LAMA2: variants seen among roughly 807,000 people sequenced by gnomAD.
LAMA2 encodes the protein laminin subunit alpha-2.
Under a neutral mutation model 364.8 loss-of-function variants are expected in LAMA2, and 269 were observed. That is an observed-to-expected ratio of 0.74 (90% CI 0.67 to 0.82). The LOEUF is 0.82. Ranked by LOEUF, LAMA2 falls within the 40% of genes least tolerant of loss-of-function variation. The pLI, the probability that LAMA2 is intolerant of heterozygous loss-of-function variation, is 0.00. For synonymous variants in LAMA2, 1,379 were observed against 1,370.6 expected (o/e 1.01, Z -0.14); for missense variants, 3,807 against 3,873.2 (o/e 0.98, Z 0.45).
intron 1 of LAMA2, among the ~76,000 whole-genome samples, chr6:128,954,380 G>T (rs73773591): frequency 0.01 from 1,534 of 151,982 alleles, 29 homozygotes; most frequent in African/African-American, 0.035. Flanking sequence ...ATTAGAATTT[G>T]TTTTTTATAC....
chr6:129,140,141 C>T lies in LAMA2; in HGVS notation c.640-3760C>T, dbSNP rs116394168. Among the ~76,000 whole-genome samples, 746 of 152,116 alleles carry T rather than the reference C, an allele frequency of 4.9e-3. 8 individuals carry two copies. The highest frequency in any genetic ancestry group is 0.017 in the African/African-American group (699 of 41,510). ...GCATAATAATGGAAAATCGTCTATA[C>T]GAGAAATCTAATTATTTTAGGCACA... On this transcript the variant is annotated intron_variant, in intron 4 of 64. Transcript: ENST00000421865.
Position 129,289,980 on chromosome 6 carries a change from A to T in LAMA2, c.2750-1634A>T, listed in dbSNP as rs939064916. On this transcript the variant is annotated intron_variant, in intron 19 of 64. Coordinates refer to ENST00000421865, the MANE Select transcript of LAMA2 (RefSeq NM_000426.4). ...AAGGAAAGAAAGTTCCTGGAAATAC[A>T]TTATTTTGGTTACCTATAGATTTGT... Among the ~76,000 whole-genome samples, 30 of 152,282 alleles carry T rather than the reference A, an allele frequency of 2.0e-4. 1 individual carries two copies. Among genetic ancestry groups the T allele is most frequent in the African/African-American group, 6.7e-4 (28 of 41,568 alleles).
At chr6:129,251,945 T>A (rs1023149499) in intron 13 of LAMA2, 139 bp from the exon 14 acceptor site, 150 of 636,904 alleles carry the variant, frequency 2.4e-4, no homozygotes, top group Non-Finnish European at 3.5e-4. Context: ...CAAAAAAAAA[T>A]AAATAAATAA....
At chr6:128,968,693 G>C (rs531290743) in intron 1 of LAMA2, among the ~76,000 whole-genome samples, 1 of 152,178 alleles carries the variant, frequency 6.6e-6, no homozygotes, top group African/African-American at 2.4e-5. Context: ...CATGTTTGAG[G>C]AACAGAAACA....
At position 128,944,650 on chromosome 6, in the gene LAMA2, A is replaced by G. The variant is rs531639239; in HGVS notation, c.112+61293A>G. Among the ~76,000 whole-genome samples the G allele has an allele frequency of 4.2e-3, 639 of 151,962 alleles. 6 individuals carry two copies. The highest frequency in any genetic ancestry group is 0.014 in the African/African-American group (595 of 41,488). On this transcript the variant is annotated intron_variant, in intron 1 of 64. Transcript: ENST00000421865. ...TCTGCTAAAAGTAGAAAAAAAAAAA[A>G]AAGAAGAAAGAAAGAAAAGACGATT...
At chr6:128,937,046 CA>C (rs923091327) in intron 1 of LAMA2, among the ~76,000 whole-genome samples, 1 of 152,102 alleles carries the variant, frequency 6.6e-6, no homozygotes. Flanking sequence ...ATGCACAATT[CA>C]AAACTTATGA....
intron 1 of LAMA2, among the ~76,000 whole-genome samples, chr6:129,023,859 T>A (rs912287585): frequency 5.9e-5 from 9 of 152,212 alleles, no homozygotes; most frequent in African/African-American, 2.2e-4. Context: ...ATAAGTCATG[T>A]TCTTTGTTAG....
At chr6:129,098,761 C>G (rs1187502656) in intron 4 of LAMA2, among the ~76,000 whole-genome samples, 7 of 152,164 alleles carry the variant, frequency 4.6e-5, no homozygotes, top group Admixed American at 4.6e-4. Flanking sequence ...TTTGAGTGTA[C>G]TTTGGTCTGA....
chr6:129,370,959 T>C (rs986052644), intron 34 of LAMA2, among the ~76,000 whole-genome samples: 5 of 152,210 alleles, frequency 3.3e-5, no homozygotes, highest in African/African-American at 1.2e-4. Flanking sequence ...AATAGCATAC[T>C]AAACACTTTT....
intron 1 of LAMA2, among the ~76,000 whole-genome samples, chr6:129,036,805 C>G (rs1464731134): frequency 6.6e-6 from 1 of 152,158 alleles, no homozygotes; most frequent in African/African-American, 2.4e-5. Context: ...TGCTTCTGAA[C>G]AACTGGATTC....
chr6:129,006,405 A>C (rs535148331), intron 1 of LAMA2, among the ~76,000 whole-genome samples: 1 of 152,142 alleles, frequency 6.6e-6, no homozygotes, highest in African/African-American at 2.4e-5. Flanking sequence ...ACCCGATTCA[A>C]ACATTCTTGC....
At chr6:129,134,148 T>C (rs931330860) in intron 4 of LAMA2, among the ~76,000 whole-genome samples, 2 of 152,258 alleles carry the variant, frequency 1.3e-5, no homozygotes, top group African/African-American at 4.8e-5. Context: ...GTGTACTGAT[T>C]GTTCCGTCTC....
intron 22 of LAMA2, among the ~76,000 whole-genome samples, chr6:129,303,773 G>A (rs1393771795): frequency 2.0e-5 from 3 of 152,084 alleles, no homozygotes; most frequent in East Asian, 3.9e-4. Context: ...GCTTGGCCAT[G>A]GGGATTATCC....
chr6:129,388,837 C>T (rs775797252), intron 35 of LAMA2, among the ~76,000 whole-genome samples: 4 of 152,134 alleles, frequency 2.6e-5, no homozygotes, highest in Non-Finnish European at 4.4e-5. Flanking sequence ...TGGTTAAAGT[C>T]AGCTATACAG....
intron 16 of LAMA2, among the ~76,000 whole-genome samples, chr6:129,268,898 C>A (rs1051714225): frequency 2.6e-5 from 4 of 151,932 alleles, no homozygotes; most frequent in African/African-American, 9.7e-5. Context: ...TGCTGATATT[C>A]CATTTTGAGT....
At chr6:129,196,562 C>G (rs1217223403) in intron 12 of LAMA2, among the ~76,000 whole-genome samples, 1 of 152,110 alleles carries the variant, frequency 6.6e-6, no homozygotes, top group East Asian at 1.9e-4. Flanking sequence ...AAATATGTTC[C>G]ACTCTCCTTT....
chr6:128,888,331 G>T (rs2114375081), intron 1 of LAMA2, among the ~76,000 whole-genome samples: 1 of 152,308 alleles, frequency 6.6e-6, no homozygotes, highest in African/African-American at 2.4e-5. Flanking sequence ...TTTACAGTGA[G>T]TAAAGAAGAT....
chr6:128,941,825 T>C (rs545769193), intron 1 of LAMA2, among the ~76,000 whole-genome samples: 1 of 152,310 alleles, frequency 6.6e-6, no homozygotes, highest in African/African-American at 2.4e-5. Flanking sequence ...TGGTGGTTTT[T>C]CAAATGCACC....
At chr6:129,319,409 A>G (rs944297080) in intron 27 of LAMA2, among the ~76,000 whole-genome samples, 1 of 152,216 alleles carries the variant, frequency 6.6e-6, no homozygotes, top group African/African-American at 2.4e-5. Context: ...TCAACAGGAT[A>G]TCAGACATCC....
Sources: allele counts gnomAD v4.1 joint callset (sites outside exome capture counted in the v4.1 genomes callset), GRCh38; gene constraint gnomAD v4.1.1; transcripts MANE v1.5; gene names NCBI Gene and HGNC (gene_info 2026-07-23, HGNC 2026-07-21).